The following EVC variants were observed in gnomAD, a reference collection of about 807,000 sequenced individuals.
EVC encodes EvC ciliary complex subunit 1.
A neutral mutation model predicts 118.9 loss-of-function variants in EVC; 116 were observed. That is an observed-to-expected ratio of 0.98 (90% confidence interval 0.84 to 1.14). The LOEUF (loss-of-function observed/expected upper bound fraction) is 1.14. EVC is among the 50% of genes most tolerant of loss of function. The pLI, the probability that EVC is intolerant of heterozygous loss-of-function variation, is 0.00. For synonymous variants in EVC, 619 were observed against 534.7 expected (o/e 1.16, Z -2.18); for missense variants, 1,401 against 1,246.4 (o/e 1.12, Z -1.87).
At chr4:5,783,110 G>A (rs1267472851) in intron 11 of EVC, among the ~76,000 whole-genome samples, 1 of 152,116 alleles carries the variant, frequency 6.6e-6, no homozygotes, top group Non-Finnish European at 1.5e-5. Flanking sequence ...GTGTAGGAGT[G>A]TGTCTATGTG....
chr4:5,796,234 G>A (rs1713939170), intron 13 of EVC, among the ~76,000 whole-genome samples: 1 of 151,914 alleles, frequency 6.6e-6, no homozygotes, highest in Non-Finnish European at 1.5e-5. Flanking sequence ...CATAATTAGT[G>A]TAAAGGTTGT....
chr4:5,825,211 A>C, the EVC span: 6 of 985,340 alleles, frequency 6.1e-6, no homozygotes, highest in Non-Finnish European at 7.2e-6. This position sits in a 1 kb window ranked among gnomAD's most constrained non-coding sequence, Gnocchi z 4.4. Flanking sequence ...AAGTGTCCCC[A>C]AATGTGTGTA....
the EVC span, among the ~76,000 whole-genome samples, chr4:5,819,700 C>G: frequency 6.6e-6 from 1 of 152,222 alleles, no homozygotes; most frequent in Admixed American, 6.5e-5. Flanking sequence ...ATCCTGCCAA[C>G]TTTACTTTTC....
the EVC span, among the ~76,000 whole-genome samples, chr4:5,820,393 G>C: frequency 6.6e-6 from 1 of 152,006 alleles, no homozygotes; most frequent in African/African-American, 2.4e-5. Flanking sequence ...GTTTTTATCC[G>C]TCCTTTAGTG....
At chr4:5,773,626 C>T (rs1030481041) in intron 11 of EVC, among the ~76,000 whole-genome samples, 11 of 152,060 alleles carry the variant, frequency 7.2e-5, no homozygotes, top group African/African-American at 2.4e-4. Flanking sequence ...GCTGAGCTGC[C>T]GGGGTGTTTT....
At chr4:5,766,778 T>G (rs1577494401) in intron 11 of EVC, among the ~76,000 whole-genome samples, 1 of 136,426 alleles carries the variant, frequency 7.3e-6, no homozygotes, top group Non-Finnish European at 1.6e-5. Flanking sequence ...CACTTCTCTG[T>G]ATTGGTTATT....
rs1317530480 is a variant in EVC, at chr4:5,793,598, C to T, written c.1777-10C>T. On this transcript the variant is annotated splice_polypyrimidine_tract_variant and intron_variant, in intron 12 of 20. Coordinates refer to ENST00000264956, the MANE Select transcript of EVC (RefSeq NM_153717.3). ...CACATGCCTGCTCTGTCCCTCTGTC[C>T]CGAGTTCAGGTGTGGATGGAGGAGT... 5 of 1,550,842 alleles carry T rather than the reference C, an allele frequency of 3.2e-6. No homozygotes were observed. The highest frequency in any genetic ancestry group is 4.4e-6 in the Non-Finnish European group (5 of 1,146,256).
chr4:5,816,247 C>T (rs1717655259), downstream of EVC, among the ~76,000 whole-genome samples: 1 of 152,148 alleles, frequency 6.6e-6, no homozygotes, highest in South Asian at 2.1e-4. Flanking sequence ...CTGAGGTGAG[C>T]TCTTCATCCG....
intron 11 of EVC, among the ~76,000 whole-genome samples, chr4:5,775,448 T>C (rs1377316914): frequency 6.6e-6 from 1 of 152,160 alleles, no homozygotes; most frequent in Non-Finnish European, 1.5e-5. Context: ...AGATCCCTAG[T>C]TTGATTTACA....
chr4:5,787,943 C>G (rs1712013653), intron 12 of EVC, among the ~76,000 whole-genome samples: 1 of 152,180 alleles, frequency 6.6e-6, no homozygotes, highest in African/African-American at 2.4e-5. Context: ...AAGTTGGTCT[C>G]TTTCCTCCTC....
At chr4:5,761,261 A>T (rs2152119166) in intron 11 of EVC, among the ~76,000 whole-genome samples, 1 of 152,134 alleles carries the variant, frequency 6.6e-6, no homozygotes, top group East Asian at 1.9e-4. Flanking sequence ...CTCCACAGGG[A>T]GCATGATCTC....
chr4:5,792,596 ACAGT>A (rs1376803756), intron 12 of EVC, among the ~76,000 whole-genome samples: 5 of 152,220 alleles, frequency 3.3e-5, no homozygotes, highest in South Asian at 4.1e-4. Flanking sequence ...TCTGAACAAC[ACAGT>A]CAGTTAGGAT....
At chr4:5,727,448 G>T (rs1464021409) in intron 2 of EVC, among the ~76,000 whole-genome samples, 1 of 152,142 alleles carries the variant, frequency 6.6e-6, no homozygotes, top group Non-Finnish European at 1.5e-5. Flanking sequence ...ATGTGTTTGA[G>T]TTCATTGTAG....
chr4:5,736,135 G>C (rs567974382), intron 5 of EVC, among the ~76,000 whole-genome samples: 1 of 152,238 alleles, frequency 6.6e-6, no homozygotes, highest in African/African-American at 2.4e-5. Context: ...AAACAGAGTG[G>C]CCAGGATGAG....
intron 11 of EVC, among the ~76,000 whole-genome samples, chr4:5,763,189 G>A (rs77928602): frequency 0.32 from 33,412 of 104,194 alleles, 5,533 homozygotes; most frequent in East Asian, 0.38. Flanking sequence ...TTTTTCTCAG[G>A]TTTGTCAAAG....
chr4:5,748,406 G>A (rs1325661021), intron 8 of EVC, 100 bp downstream of exon 8: 3 of 1,360,172 alleles, frequency 2.2e-6, no homozygotes, highest in East Asian at 2.4e-5. Flanking sequence ...TCATGTTGTA[G>A]CTGGTTATAT....
At chr4:5,793,959 C>T (rs1713279140) in intron 13 of EVC, among the ~76,000 whole-genome samples, 1 of 151,940 alleles carries the variant, frequency 6.6e-6, no homozygotes, top group Admixed American at 6.6e-5. Flanking sequence ...AGTTTACATA[C>T]ATTTATTTTA....
intron 3 of EVC, among the ~76,000 whole-genome samples, chr4:5,730,985 A>G (rs1330394793): frequency 6.6e-6 from 1 of 151,622 alleles, no homozygotes; most frequent in East Asian, 2.0e-4. Context: ...AGAGGGCAGG[A>G]GGGTGACTCC....
At chr4:5,727,291 G>A (rs1268236142) in intron 2 of EVC, among the ~76,000 whole-genome samples, 1 of 152,190 alleles carries the variant, frequency 6.6e-6, no homozygotes, top group African/African-American at 2.4e-5. Context: ...GTATCTCATT[G>A]TGGTTTTGAT....
Sources: gnomAD v4.1 joint callset for allele counts (sites outside exome capture counted in the v4.1 genomes callset) on GRCh38, gnomAD v4.1.1 for gene constraint, Gnocchi (gnomAD v3.1) non-coding constraint, MANE v1.5 for transcripts, NCBI Gene and HGNC (gene_info 2026-07-23, HGNC 2026-07-21) for gene names.